DHRS12: variants seen among roughly 807,000 people sequenced by gnomAD.
The protein encoded by DHRS12 is dehydrogenase/reductase 12, also known as dehydrogenase/reductase SDR family member 12.
Under a neutral mutation model 32.1 loss-of-function variants are expected in DHRS12, and 29 were observed. That is an observed-to-expected ratio of 0.90 (90% CI 0.67 to 1.23). DHRS12 has a LOEUF of 1.23. Ranked by LOEUF, DHRS12 falls within the 50% of genes most tolerant of loss-of-function variation. The probability of loss-of-function intolerance (pLI) is 0.00; values close to 1 mark genes in which losing one functional copy is unlikely to be tolerated. For missense variants in DHRS12, 330 were observed against 337.2 expected, an observed-to-expected ratio of 0.98 and a Z score of 0.17; for synonymous variants, 150 against 135.9, an observed-to-expected ratio of 1.10 and a Z score of -0.72.
chr13:51,791,022 A>G (rs1955241653), intron 3 of DHRS12, 143 bp downstream of exon 3: 1 of 496,202 alleles, frequency 2.0e-6, no homozygotes, highest in Non-Finnish European at 3.4e-6. Flanking sequence ...AGTAAACTTG[A>G]TTCCATGAAC....
the DHRS12 span, among the ~76,000 whole-genome samples, chr13:51,759,381 G>A: frequency 6.6e-6 from 1 of 152,156 alleles, no homozygotes; most frequent in Non-Finnish European, 1.5e-5. Context: ...TCGCTTTCAT[G>A]TTGGCTCATC....
At chr13:51,802,747 C>T (rs768273126) in intron 1 of DHRS12, among the ~76,000 whole-genome samples, 1 of 152,218 alleles carries the variant, frequency 6.6e-6, no homozygotes, top group Non-Finnish European at 1.5e-5. Context: ...TTTTTCTCTC[C>T]TATTCACTAA....
intron 4 of DHRS12, among the ~76,000 whole-genome samples, chr13:51,781,311 C>A (rs1403232026): frequency 6.6e-6 from 1 of 152,144 alleles, no homozygotes; most frequent in Non-Finnish European, 1.5e-5. Context: ...GTGAGTCAGG[C>A]CTATCCCCTT....
chr13:51,764,567 A>G (rs997933937), downstream of DHRS12: 1 of 152,538 alleles, frequency 6.6e-6, no homozygotes, highest in African/African-American at 2.4e-5. Context: ...TGAGCTCGTC[A>G]CTATCAGATG....
At chr13:51,780,198 T>TAAATA (rs1954637383) in intron 4 of DHRS12, among the ~76,000 whole-genome samples, 3 of 151,792 alleles carry the variant, frequency 2.0e-5, no homozygotes, top group African/African-American at 7.3e-5. Context: ...AATAAATAAA[T>TAAATA]AAATAAATAA....
chr13:51,798,375 A>G (rs2139404931), intron 2 of DHRS12, among the ~76,000 whole-genome samples: 1 of 152,348 alleles, frequency 6.6e-6, no homozygotes, highest in South Asian at 2.1e-4. Flanking sequence ...AGACTCAAGT[A>G]TTGACTGAAT....
chr13:51,771,110 G>A, intron 7 of DHRS12: 1 of 1,474,610 alleles, frequency 6.8e-7, no homozygotes, highest in Non-Finnish European at 9.0e-7. Context: ...GTAAATGGGT[G>A]TGATAATAGA....
At chr13:51,803,832 C>A in intron 1 of DHRS12, 1 of 366,664 alleles carries the variant, frequency 2.7e-6, no homozygotes, top group Non-Finnish European at 4.7e-6. Flanking sequence ...GCCCCTCGGG[C>A]GCCAGTCTCG....
intron 2 of DHRS12, among the ~76,000 whole-genome samples, chr13:51,796,853 A>T (rs1955533311): frequency 6.6e-6 from 1 of 152,210 alleles, no homozygotes; most frequent in African/African-American, 2.4e-5. Flanking sequence ...AAGGCACCTG[A>T]TGGCATGAGA....
the DHRS12 span, chr13:51,758,259 A>C: frequency 6.2e-7 from 1 of 1,602,740 alleles, no homozygotes; most frequent in Non-Finnish European, 8.5e-7. Flanking sequence ...CGATGCAACC[A>C]GAGGATGGTT....
intron 1 of DHRS12, among the ~76,000 whole-genome samples, chr13:51,800,295 A>C (rs1566311451): frequency 6.6e-6 from 1 of 152,252 alleles, no homozygotes. Context: ...ATTGCAGAAG[A>C]GGTATTTTTT....
At position 51,769,297 on chromosome 13, in the gene DHRS12, G is replaced by A. The variant is rs748011826; in HGVS notation, c.560-4C>T. 5 of 1,559,890 alleles carry A rather than the reference G, an allele frequency of 3.2e-6. No individual in the cohort carries two copies. The African/African-American group carries it at 5.5e-5, about 17-fold the overall frequency. On this transcript the variant is annotated splice_region_variant and splice_polypyrimidine_tract_variant and intron_variant, in intron 7 of 8. Coordinates refer to ENST00000444610, the MANE Select transcript of DHRS12 (RefSeq NM_001377533.1). ...CCCGGCATCGCCTGCCTCACACCTGGGAGAAGGAAGGGTCAGGCGGATTAG... is the reference window on the plus strand; with the variant it reads ...CCCGGCATCGCCTGCCTCACACCTGAGAGAAGGAAGGGTCAGGCGGATTAG...
In DHRS12 at chr13:51,789,991, A is replaced by C. The variant is rs770391393; in HGVS notation, c.301+20T>G. 2 of 1,571,544 alleles carry C rather than the reference A, an allele frequency of 1.3e-6. No individual in the cohort carries two copies. The highest frequency in any genetic ancestry group is 1.7e-4 in the Middle Eastern group (1 of 5,876). ...ATGTTTATTTTGCTAAAAACAAATA[A>C]GAAAACTTCTTGTACTTACCCAGAG... On this transcript the variant is annotated intron_variant, in intron 4 of 8. Transcript: ENST00000444610.
Position 51,768,141 on chromosome 13 carries a change from G to C in DHRS12, c.*46C>G, listed in dbSNP as rs1362798147. On this transcript the variant is annotated 3_prime_UTR_variant, in exon 9 of 9. Coordinates refer to ENST00000444610, the MANE Select transcript of DHRS12 (RefSeq NM_001377533.1). ...CACTGGTCCCTAGACCGCACCTTCT[G>C]GTATCTTCTAAGGCAATTCTGGTAC... is the stretch of plus-strand genomic sequence containing the variant. The C allele has an allele frequency of 1.3e-6, 2 of 1,535,592 alleles. No homozygotes were observed. The highest frequency in any genetic ancestry group is 1.7e-6 in the Non-Finnish European group (2 of 1,146,564).
At chr13:51,766,406 T>C (rs1953750326), downstream of DHRS12, 1 of 152,224 alleles carries the variant, frequency 6.6e-6, no homozygotes, top group Non-Finnish European at 1.5e-5. Flanking sequence ...AGTGGGCATA[T>C]TACCGTATGG....
intron 1 of DHRS12, 38 bp downstream of exon 1, chr13:51,804,016 G>T: frequency 1.4e-6 from 2 of 1,450,468 alleles, no homozygotes; most frequent in South Asian, 2.6e-5. Flanking sequence ...CGGGCCACGT[G>T]ACAGCCCGGG....
intron 6 of DHRS12, among the ~76,000 whole-genome samples, chr13:51,772,476 A>C (rs975798428): frequency 2.0e-5 from 3 of 152,160 alleles, no homozygotes; most frequent in Admixed American, 1.3e-4. Flanking sequence ...TGCAAAAATT[A>C]GCTGGGTGTA....
intron 1 of DHRS12, 122 bp from the exon 2 acceptor site, chr13:51,799,789 G>T (rs902624646): frequency 1.9e-5 from 23 of 1,180,900 alleles, no homozygotes; most frequent in African/African-American, 3.1e-5. Flanking sequence ...AACACATCAC[G>T]AAACTCCTTT....
intron 4 of DHRS12, among the ~76,000 whole-genome samples, chr13:51,781,516 A>AT (rs1954705696): frequency 6.6e-6 from 1 of 152,196 alleles, no homozygotes; most frequent in African/African-American, 2.4e-5. Context: ...CGGTCGAGGT[A>AT]AGTGCTAGAG....
Sources: allele counts gnomAD v4.1 joint callset (sites outside exome capture counted in the v4.1 genomes callset), GRCh38; gene constraint gnomAD v4.1.1; transcripts MANE v1.5; gene names NCBI Gene and HGNC (gene_info 2026-07-23, HGNC 2026-07-21).